The following GRIK4 variants were observed in gnomAD, a reference collection of about 807,000 sequenced individuals.
GRIK4 encodes the protein glutamate ionotropic receptor kainate type subunit 4, also known as glutamate receptor ionotropic, kainate 4.
In GRIK4, 40 loss-of-function variants were observed where a neutral mutation model predicts 104.9. That is an observed-to-expected ratio of 0.38 (90% CI 0.30 to 0.50). GRIK4 has a LOEUF of 0.50. GRIK4 is among the 20% of genes least tolerant of loss of function. GRIK4 has a pLI of 0.93. For missense variants in GRIK4, 1,047 were observed against 1,308.1 expected, an observed-to-expected ratio of 0.80 and a Z score of 3.08; for synonymous variants, 485 against 524.9, an observed-to-expected ratio of 0.92 and a Z score of 1.04.
intron 3 of GRIK4, among the ~76,000 whole-genome samples, chr11:120,667,990 G>A (rs1949945327): frequency 6.6e-6 from 1 of 152,292 alleles, no homozygotes; most frequent in South Asian, 2.1e-4. Flanking sequence ...GGCTGAGAGG[G>A]AAGAATCACT....
In GRIK4 at chr11:120,549,923, C is replaced by T. The variant is rs1948123118; in HGVS notation, c.-159+38036C>T. ...ACGGCAGCCTCAGCCATTTTGCTAT[C>T]AATAAATTACTCTTTATCATTTAAG... On this transcript the variant is annotated intron_variant, in intron 1 of 20. Transcript: ENST00000527524. The surrounding 1 kb of genome is among the most constrained non-coding windows in gnomAD (Gnocchi z 4.7). Among the ~76,000 whole-genome samples, 1 of 152,200 alleles carries T rather than the reference C, an allele frequency of 6.6e-6. No individual in the cohort carries two copies. The highest frequency in any genetic ancestry group is 2.4e-5 in the African/African-American group (1 of 41,442).
In GRIK4 at chr11:120,936,971, A is replaced by G. The variant is rs141829765; in HGVS notation, c.1477-3376A>G. ...GGTGGAATCACAGTCCCAGCCCCCT[A>G]TCTTACTAGTTTGGTTTCATGGCAC... is the stretch of plus-strand genomic sequence containing the variant. On this transcript the variant is annotated intron_variant, in intron 13 of 20. Transcript: ENST00000527524. Among the ~76,000 whole-genome samples the G allele has an allele frequency of 5.5e-4, 84 of 151,854 alleles. 3 individuals carry two copies. The East Asian group carries it at 0.014, about 25-fold the overall frequency.
At position 120,905,116 on chromosome 11, in the gene GRIK4, G is replaced by A. The variant is rs972283697; in HGVS notation, c.1273-174G>A. Among the ~76,000 whole-genome samples, 1 of 152,132 alleles carries A rather than the reference G, an allele frequency of 6.6e-6. No individual in the cohort carries two copies. The highest frequency in any genetic ancestry group is 1.5e-5 in the Non-Finnish European group (1 of 68,030). On this transcript the variant is annotated intron_variant, in intron 12 of 20. Coordinates refer to ENST00000527524, the MANE Select transcript of GRIK4 (RefSeq NM_014619.5). This position sits in a 1 kb window ranked among gnomAD's most constrained non-coding sequence, Gnocchi z 5.1. ...AAGCACCTTGAAGGACAGCTTTAAG[G>A]AGCACATCAGGGAGAGGAGCTGGTC...
intron 1 of GRIK4, among the ~76,000 whole-genome samples, chr11:120,577,405 G>T (rs1948499437): frequency 6.6e-6 from 1 of 151,974 alleles, no homozygotes. Flanking sequence ...GCTTCTTCTG[G>T]TTCTGAAGGC....
chr11:120,944,194 C>G (rs928725675), intron 14 of GRIK4, among the ~76,000 whole-genome samples: 3 of 130,348 alleles, frequency 2.3e-5, no homozygotes, highest in Non-Finnish European at 4.9e-5. Context: ...CTCCTTCCCT[C>G]CCTTCTTTCT....
intron 9 of GRIK4, among the ~76,000 whole-genome samples, chr11:120,867,506 T>C (rs1237067541): frequency 1.3e-5 from 2 of 152,250 alleles, no homozygotes; most frequent in East Asian, 3.9e-4. Flanking sequence ...CTCCACACGA[T>C]GTTCCCTGCT....
rs115732563 is a variant in GRIK4 at position 120,861,782 on chromosome 11, A to T, written c.745-177A>T. Among the ~76,000 whole-genome samples, 865 of 152,164 alleles carry T rather than the reference A, an allele frequency of 5.7e-3. 9 individuals are homozygous for T. Among genetic ancestry groups the T allele is most frequent in the African/African-American group, 0.02 (828 of 41,508 alleles). On this transcript the variant is annotated intron_variant, in intron 8 of 20. Coordinates refer to ENST00000527524, the MANE Select transcript of GRIK4 (RefSeq NM_014619.5). ...TTTTTTTTCTCCTCCATCCTCCACC[A>T]TCACAGTGTTAACTCCCAGAAAAAC...
rs561237271 is a variant in GRIK4 at position 120,792,587 on chromosome 11, G to A, written c.83-10106G>A. On this transcript the variant is annotated intron_variant, in intron 3 of 20. Coordinates refer to ENST00000527524, the MANE Select transcript of GRIK4 (RefSeq NM_014619.5). ...GAAGTAGGGTGGTGGTGTTAAGACT[G>A]GAAAGAAGTGGACTGGTTTGAGAAA... 2.6e-4 allele frequency among the ~76,000 whole-genome samples: 40 copies of A among 152,150 alleles called. No individual in the cohort carries two copies. In the South Asian group the frequency reaches 8.3e-3, roughly 32 times the overall value.
chr11:120,660,327 C>A lies in GRIK4; in HGVS notation c.9C>A (p.Arg3=). ...ATGAGGATTCATAGAAGATGCCCCGCGTCTCGGCGCCTTTGGTGCTGCTTC... is the reference window on the plus strand; with the variant it reads ...ATGAGGATTCATAGAAGATGCCCCGAGTCTCGGCGCCTTTGGTGCTGCTTC... MP[R]VSAPLVLLPA... The change falls in exon 3 of 21, where the codon CGC becomes CGA. Residue 3 remains arginine (R), a synonymous_variant. Transcript: ENST00000527524. 6.2e-7 allele frequency: 1 copy of A among 1,612,502 alleles called. No individual in the cohort carries two copies. The highest frequency in any genetic ancestry group is 8.5e-7 in the Non-Finnish European group (1 of 1,179,136).
chr11:120,715,064 G>A (rs1950803433), intron 3 of GRIK4, among the ~76,000 whole-genome samples: 1 of 152,168 alleles, frequency 6.6e-6, no homozygotes, highest in African/African-American at 2.4e-5. Context: ...CCACCCTGTA[G>A]GTAACTACCT....
chr11:120,984,329 C>G (rs530191836), intron 20 of GRIK4, among the ~76,000 whole-genome samples: 16 of 152,340 alleles, frequency 1.1e-4, no homozygotes, highest in Admixed American at 1.0e-3. Flanking sequence ...GAGCACTCAA[C>G]AGAGCATGTA....
intron 9 of GRIK4, chr11:120,870,726 G>A (rs1165658541): frequency 7.7e-6 from 1 of 130,430 alleles, no homozygotes; most frequent in Non-Finnish European, 1.6e-5. Flanking sequence ...AGACAGATGA[G>A]TGGTTTTTTT....
At chr11:120,825,431 C>T (rs1219445688) in intron 6 of GRIK4, among the ~76,000 whole-genome samples, 1 of 152,316 alleles carries the variant, frequency 6.6e-6, no homozygotes, top group Middle Eastern at 3.4e-3. Flanking sequence ...ACACAGTGTC[C>T]ACACCGAGGA....
rs537745972 is a variant in GRIK4, at chr11:120,820,599, G to T, written c.511+679G>T. On this transcript the variant is annotated intron_variant, in intron 6 of 20. Transcript: ENST00000527524. ...GGCGGCAGCTGTGCACCCACATGTG[G>T]TCAAACAGGTGCTGGCCACTGGCTA... Among the ~76,000 whole-genome samples, 55 of 152,336 alleles carry T rather than the reference G, an allele frequency of 3.6e-4. 1 individual carries two copies. The South Asian group carries it at 0.011, about 30-fold the overall frequency.
intron 3 of GRIK4, among the ~76,000 whole-genome samples, chr11:120,801,058 C>T (rs1952612158): frequency 6.6e-6 from 1 of 152,178 alleles, no homozygotes; most frequent in Non-Finnish European, 1.5e-5. Flanking sequence ...TTCATCACCC[C>T]CAAAAAGAAC....
chr11:120,940,198 C>T lies in GRIK4; in HGVS notation c.1477-149C>T, dbSNP rs1591308872. The T allele has an allele frequency of 1.2e-4, 73 of 604,200 alleles. No individual in the cohort carries two copies. The East Asian group carries it at 1.9e-3, about 16-fold the overall frequency. 37.4% of individuals were successfully genotyped at this position (604,200 alleles called of 1,614,324 possible). A position where few individuals can be genotyped will look rare whatever the true frequency, so the allele number is the denominator to read the frequency against. ...TACTTTTATGAGTGATCATTCAGAT[C>T]TGTATGCAGTGTTGACTTAGAGCCA... On this transcript the variant is annotated intron_variant, in intron 13 of 20. Transcript: ENST00000527524. This position sits in a 1 kb window ranked among gnomAD's most constrained non-coding sequence, Gnocchi z 4.3.
chr11:120,727,939 G>A (rs1024880678), intron 3 of GRIK4, among the ~76,000 whole-genome samples: 1 of 152,006 alleles, frequency 6.6e-6, no homozygotes, highest in Non-Finnish European at 1.5e-5. Context: ...ATTGAAGATA[G>A]GCAATGAAGA....
chr11:120,769,573 T>G (rs1325224982), intron 3 of GRIK4, among the ~76,000 whole-genome samples: 1 of 152,232 alleles, frequency 6.6e-6, no homozygotes, highest in African/African-American at 2.4e-5. Context: ...ATTCTTAACT[T>G]GCAGACCACA....
chr11:120,785,306 T>C (rs916592450), intron 3 of GRIK4, among the ~76,000 whole-genome samples: 2 of 152,180 alleles, frequency 1.3e-5, no homozygotes, highest in African/African-American at 4.8e-5. Flanking sequence ...GGGCTCTCCA[T>C]GACTGCTTTC....
Sources: gnomAD v4.1 joint callset for allele counts (sites outside exome capture counted in the v4.1 genomes callset) on GRCh38, gnomAD v4.1.1 for gene constraint, Gnocchi (gnomAD v3.1) non-coding constraint, MANE v1.5 for transcripts, NCBI Gene and HGNC (gene_info 2026-07-23, HGNC 2026-07-21) for gene names.